The following NBPF12 variants were observed in gnomAD, a reference collection of about 807,000 sequenced individuals.
The protein encoded by NBPF12 is NBPF family member NBPF12.
A neutral mutation model predicts 146.4 loss-of-function variants in NBPF12; 115 were observed. The observed-to-expected ratio is 0.79, with a 90% confidence interval of 0.68 to 0.92. The LOEUF is 0.92. NBPF12 is among the 40% of genes least tolerant of loss of function. The pLI, the probability that NBPF12 is intolerant of heterozygous loss-of-function variation, is 0.00. For missense variants in NBPF12, 1,205 were observed against 1,326.8 expected, an observed-to-expected ratio of 0.91 and a Z score of 1.43; for synonymous variants, 385 against 508.9, an observed-to-expected ratio of 0.76 and a Z score of 3.28.
chr1:146,965,714 C>A (rs1459686576), intron 8 of NBPF12, among the ~76,000 whole-genome samples: 2 of 142,802 alleles, frequency 1.4e-5, no homozygotes, highest in Admixed American at 7.4e-5. Flanking sequence ...ATGGCATGAA[C>A]CCAGGAACCG....
chr1:146,943,419 C>A, exon 2 of NBPF12: 1 of 512,904 alleles, frequency 1.9e-6, no homozygotes, highest in Non-Finnish European at 3.4e-6. Context: ...CTCTTGGCCT[C>A]CACACTGGGG....
intron 1 of NBPF12, 117 bp from the exon 5 acceptor site, chr1:146,951,231 C>T: frequency 3.1e-6 from 2 of 650,938 alleles, no homozygotes; most frequent in Non-Finnish European, 5.5e-6. Context: ...TCTCAGGCCA[C>T]ACAGGGCACT....
At chr1:146,965,626 CAAAAA>C (rs1271486549) in intron 8 of NBPF12, among the ~76,000 whole-genome samples, 4 of 117,986 alleles carry the variant, frequency 3.4e-5, no homozygotes, top group Non-Finnish European at 5.3e-5. Context: ...ACTAAAAATA[CAAAAA>C]AAAAAAAAAA....
At chr1:146,950,424 C>A (rs783913) in intron 1 of NBPF12, among the ~76,000 whole-genome samples, 27,684 of 151,636 alleles carry the variant, frequency 0.18, 2,726 homozygotes, top group Middle Eastern at 0.26. Flanking sequence ...GATTCTAGTT[C>A]AAAATGAGGG....
At chr1:146,952,316 C>T (rs1340627518) in intron 2 of NBPF12, among the ~76,000 whole-genome samples, 8 of 152,022 alleles carry the variant, frequency 5.3e-5, no homozygotes, top group Admixed American at 1.3e-4. Flanking sequence ...ACTCTAGGGC[C>T]GTGTGGTCTG....
In NBPF12 at chr1:146,990,880, T is replaced by C. The variant is rs1453767864; in HGVS notation, c.3624-233T>C. ...CTTCATCAGTGTGTCACCCGGCCAA[T>C]TCGCTGAGCTCACTTTCTCCTCTCT... On this transcript the variant is annotated intron_variant, in intron 29 of 33. Coordinates refer to ENST00000617844, the Ensembl canonical transcript of NBPF12. Among the ~76,000 whole-genome samples, 5 of 92,286 alleles carry C rather than the reference T, an allele frequency of 5.4e-5. 1 individual carries two copies. The highest frequency in any genetic ancestry group is 7.9e-5 in the Non-Finnish European group (4 of 50,390). The allele number at this position is 92,286 out of a possible 152,430, so 60.5% of individuals were successfully genotyped here.
chr1:146,976,316 C>T (rs1297523901), intron 16 of NBPF12, among the ~76,000 whole-genome samples: 2 of 147,942 alleles, frequency 1.4e-5, no homozygotes, highest in Non-Finnish European at 3.0e-5. Context: ...GACAAATTGT[C>T]TCTTGCAAGG....
upstream of NBPF12, among the ~76,000 whole-genome samples, chr1:146,938,330 C>T (rs1259517662): frequency 6.6e-6 from 1 of 152,158 alleles, no homozygotes; most frequent in Non-Finnish European, 1.5e-5. Flanking sequence ...GCCCGGAAGT[C>T]AGACTATGGG....
chr1:146,971,711 C>G (rs1332606672), intron 13 of NBPF12, among the ~76,000 whole-genome samples: 1,819 of 150,466 alleles, frequency 0.012, 85 homozygotes, highest in African/African-American at 0.043. Context: ...GATCGGCTAA[C>G]ACGATCCTCC....
In NBPF12 at chr1:146,964,429, G is replaced by A. The variant is rs1656059848; in HGVS notation, c.566G>A (p.Arg189Lys). The change falls in exon 7 of 34, where the codon AGG (arginine) becomes AAG (lysine). Residue 189 changes from arginine (R) to lysine (K), a missense_variant and splice_region_variant. This residue lies in a region of NBPF12 where 325 missense variants were observed against 236.6 expected (regional missense o/e 1.37). Transcript: ENST00000617844. ...AAAGTACTGGAATCATCTGCCCCCAGGTAACACTGAATACTCAGGAGCAAG... is the reference window on the plus strand; with the variant it reads ...AAAGTACTGGAATCATCTGCCCCCAAGTAACACTGAATACTCAGGAGCAAG... The A allele has an allele frequency of 6.2e-6, 10 of 1,601,122 alleles. No individual in the cohort carries two copies. In the Admixed American group the frequency reaches 1.3e-4, roughly 21 times the overall value.
intron 25 of NBPF12, among the ~76,000 whole-genome samples, chr1:146,987,733 T>TGTG (rs1657874825): frequency 4.8e-5 from 7 of 146,134 alleles, no homozygotes; most frequent in African/African-American, 1.8e-4. Context: ...GTGTGTGTGT[T>TGTG]TGTGTGTGTG....
At chr1:146,941,612 G>T (rs1331847070) in intron 1 of NBPF12, among the ~76,000 whole-genome samples, 1 of 146,146 alleles carries the variant, frequency 6.8e-6, no homozygotes, top group African/African-American at 2.5e-5. Flanking sequence ...AAATTAGCTG[G>T]ATGTGGTGGC....
At chr1:146,980,497 T>C (rs1570881968) in intron 19 of NBPF12, among the ~76,000 whole-genome samples, 1 of 151,816 alleles carries the variant, frequency 6.6e-6, no homozygotes, top group East Asian at 1.9e-4. Flanking sequence ...GGAGCTCTTT[T>C]TGGGCAGGCC....
At chr1:146,965,178 A>T in intron 8 of NBPF12, 74 bp downstream of exon 11, 3 of 869,618 alleles carry the variant, frequency 3.4e-6, no homozygotes, top group Non-Finnish European at 5.9e-6. Flanking sequence ...CAGGCTGTAT[A>T]TACACATATT....
At chr1:146,954,761 T>G (rs1259341645) in intron 2 of NBPF12, among the ~76,000 whole-genome samples, 1 of 150,370 alleles carries the variant, frequency 6.7e-6, no homozygotes, top group Non-Finnish European at 1.5e-5. Flanking sequence ...AAATCAAGAT[T>G]ATGTGTTTTG....
At chr1:146,953,862 G>T (rs1398793646) in intron 2 of NBPF12, among the ~76,000 whole-genome samples, 1 of 151,914 alleles carries the variant, frequency 6.6e-6, no homozygotes, top group Non-Finnish European at 1.5e-5. Flanking sequence ...AATTAATAAA[G>T]TATTGAAAGA....
chr1:146,968,521 A>C, exon 10 of NBPF12: 1 of 1,610,484 alleles, frequency 6.2e-7, no homozygotes, highest in South Asian at 1.1e-5. Context: ...AGAAGCTTGC[A>C]GAGCAGCTGA....
intron 2 of NBPF12, among the ~76,000 whole-genome samples, chr1:146,952,453 A>G (rs1553883987): frequency 6.6e-6 from 1 of 151,998 alleles, no homozygotes; most frequent in African/African-American, 2.4e-5. Context: ...CTTTATGTCA[A>G]ATTAGAAAGG....
At chr1:146,962,067 T>C (rs1334452298) in intron 4 of NBPF12, 94 bp from the exon 8 acceptor site, 1 of 1,097,670 alleles carries the variant, frequency 9.1e-7, no homozygotes, top group African/African-American at 1.5e-5. Flanking sequence ...GAGAGTTTTG[T>C]CCTTGGGATG....
Sources: allele counts gnomAD v4.1 joint callset (sites outside exome capture counted in the v4.1 genomes callset), GRCh38; gene constraint gnomAD v4.1.1; regional missense constraint gnomAD v4.1.1; transcripts MANE v1.5; gene names NCBI Gene and HGNC (gene_info 2026-07-23, HGNC 2026-07-21).